The following OSBPL10 variants were observed in gnomAD, a reference collection of about 807,000 sequenced individuals.
OSBPL10 encodes the protein oxysterol binding protein like 10.
In OSBPL10, 49 loss-of-function variants were observed where a neutral mutation model predicts 81.7. The ratio of observed to expected loss-of-function variants is 0.60; its 90% confidence interval spans 0.48 to 0.76. The LOEUF is 0.76. Ranked by LOEUF, OSBPL10 falls within the 30% of genes least tolerant of loss-of-function variation. The pLI, the probability that OSBPL10 is intolerant of heterozygous loss-of-function variation, is 0.00. For synonymous variants in OSBPL10, 419 were observed against 383.6 expected (o/e 1.09, Z -1.08); for missense variants, 923 against 987.8 (o/e 0.93, Z 0.88).
chr3:31,745,527 T>C (rs1261721310), intron 5 of OSBPL10, among the ~76,000 whole-genome samples: 1 of 152,204 alleles, frequency 6.6e-6, no homozygotes, highest in Non-Finnish European at 1.5e-5. Flanking sequence ...GAGAGAATTA[T>C]AATGCTCGCA....
At chr3:32,074,430 C>T (rs1320651428) in intron 1 of OSBPL10, among the ~76,000 whole-genome samples, 1 of 152,146 alleles carries the variant, frequency 6.6e-6, no homozygotes, top group African/African-American at 2.4e-5. Context: ...TACTCTTTAT[C>T]TCCAGAACCC....
intron 1 of OSBPL10, among the ~76,000 whole-genome samples, chr3:32,076,491 G>A (rs374876343): frequency 9.9e-5 from 15 of 152,142 alleles, no homozygotes; most frequent in African/African-American, 2.9e-4. Context: ...CTCTTCACAC[G>A]GACACGCGTG....
At chr3:31,991,251 T>G (rs13094125) in intron 2 of OSBPL10, 98,982 of 370,706 alleles carry the variant, frequency 0.27, 19,016 homozygotes, top group African/African-American at 0.69. Flanking sequence ...TTTGAGACCA[T>G]CCTGGCCAAA....
chr3:31,796,461 G>T (rs1377602681), intron 4 of OSBPL10, among the ~76,000 whole-genome samples: 1 of 151,970 alleles, frequency 6.6e-6, no homozygotes, highest in Non-Finnish European at 1.5e-5. Context: ...TTTATGTAAG[G>T]GACTTGAGCA....
At chr3:32,013,229 A>G (rs542942625) in intron 2 of OSBPL10, among the ~76,000 whole-genome samples, 17 of 152,232 alleles carry the variant, frequency 1.1e-4, no homozygotes, top group Non-Finnish European at 2.1e-4. Context: ...AAGAACAGAA[A>G]TTATAACAAA....
At chr3:31,720,800 T>C (rs951201268) in intron 6 of OSBPL10, among the ~76,000 whole-genome samples, 1 of 143,450 alleles carries the variant, frequency 7.0e-6, no homozygotes, top group African/African-American at 2.7e-5. Flanking sequence ...TTGGGGAGGC[T>C]GAGGCATGAT....
rs142354653 is a variant in OSBPL10 at position 31,732,233 on chromosome 3, T to C, written c.1095+1024A>G. ...ACAGCCACTATTCACTTCACACCCTTCTAACACCCCTTAAAGATGCCGATG... is the reference window on the plus strand; with the variant it reads ...ACAGCCACTATTCACTTCACACCCTCCTAACACCCCTTAAAGATGCCGATG... On this transcript the variant is annotated intron_variant, in intron 6 of 11. Transcript: ENST00000396556. 4.6e-3 allele frequency among the ~76,000 whole-genome samples: 698 copies of C among 152,274 alleles called. 3 individuals are homozygous for C. The highest frequency in any genetic ancestry group is 6.3e-3 in the Non-Finnish European group (426 of 68,028).
Position 31,803,092 on chromosome 3 carries a change from T to G in OSBPL10, c.729+26948A>C, listed in dbSNP as rs542471780. The stretch of plus-strand genomic sequence containing the variant: ...CAGTGAGAATCCCCTGAATAATTTT[T>G]TGTGAATCAATGAGAACAGTGTGTA... On this transcript the variant is annotated intron_variant, in intron 4 of 11. Transcript: ENST00000396556. Among the ~76,000 whole-genome samples, 3 of 152,056 alleles carry G rather than the reference T, an allele frequency of 2.0e-5. No homozygotes were observed. In the South Asian group the frequency reaches 6.2e-4, roughly 32 times the overall value.
intron 7 of OSBPL10, among the ~76,000 whole-genome samples, chr3:31,697,261 G>T (rs1456085802): frequency 6.6e-6 from 1 of 152,124 alleles, no homozygotes; most frequent in Non-Finnish European, 1.5e-5. Context: ...AAGGTCCTAA[G>T]ACTTCATGAA....
intron 1 of OSBPL10, among the ~76,000 whole-genome samples, chr3:31,940,187 A>G (rs1426840886): frequency 6.6e-6 from 1 of 152,260 alleles, no homozygotes; most frequent in African/African-American, 2.4e-5. Flanking sequence ...ATGTCCATCA[A>G]CAGAATGTAT....
chr3:31,705,473 T>C (rs911594456), intron 6 of OSBPL10, among the ~76,000 whole-genome samples: 1 of 149,222 alleles, frequency 6.7e-6, no homozygotes, highest in Non-Finnish European at 1.5e-5. Context: ...TCCATGGCAA[T>C]GTAAATACCA....
chr3:31,861,710 A>G (rs1159825607), intron 3 of OSBPL10, among the ~76,000 whole-genome samples: 2 of 152,218 alleles, frequency 1.3e-5, no homozygotes, highest in Non-Finnish European at 2.9e-5. Context: ...ACAAGAGGTT[A>G]AAAGTGACTA....
At chr3:31,919,507 T>C (rs1696852863) in intron 1 of OSBPL10, 1 of 152,122 alleles carries the variant, frequency 6.6e-6, no homozygotes, top group South Asian at 2.1e-4. Flanking sequence ...CTGGTTCCAA[T>C]CTCTGTTTTT....
At chr3:31,813,330 G>T (rs2125486718) in intron 4 of OSBPL10, among the ~76,000 whole-genome samples, 1 of 152,326 alleles carries the variant, frequency 6.6e-6, no homozygotes, top group Admixed American at 6.5e-5. Context: ...GGGTCCCACA[G>T]GGAACAGCTC....
intron 3 of OSBPL10, among the ~76,000 whole-genome samples, chr3:31,857,802 G>GGA (rs1279605868): frequency 7.9e-6 from 1 of 125,840 alleles, no homozygotes; most frequent in Non-Finnish European, 1.6e-5. Flanking sequence ...GAGACAGAAA[G>GGA]GGAGAGAGAG....
chr3:31,757,417 T>C (rs1433150686), intron 4 of OSBPL10, among the ~76,000 whole-genome samples: 1 of 152,070 alleles, frequency 6.6e-6, no homozygotes, highest in African/African-American at 2.4e-5. Context: ...AGTGAAGACA[T>C]GGGGAGAAGA....
chr3:31,981,613 C>T (rs1187446603), upstream of OSBPL10, among the ~76,000 whole-genome samples: 2 of 152,168 alleles, frequency 1.3e-5, no homozygotes, highest in African/African-American at 4.8e-5. This position sits in a 1 kb window ranked among gnomAD's most constrained non-coding sequence, Gnocchi z 4.5. Context: ...GCCACCCTCT[C>T]TTGGATCCGA....
chr3:31,854,532 T>TG (rs1700857943), intron 3 of OSBPL10, among the ~76,000 whole-genome samples: 1 of 152,222 alleles, frequency 6.6e-6, no homozygotes, highest in Non-Finnish European at 1.5e-5. Context: ...TAAAAAAGAA[T>TG]GTTTTTAAAA....
rs1333749515 is a variant in OSBPL10, at chr3:31,660,997, C to A, written c.*1075G>T. The A allele has an allele frequency of 6.6e-6, 1 of 152,624 alleles. No homozygotes were observed. The highest frequency in any genetic ancestry group is 6.5e-5 in the Admixed American group (1 of 15,278). 9.5% of individuals were successfully genotyped at this position (152,624 alleles called of 1,614,324 possible). A position where few individuals can be genotyped will look rare whatever the true frequency, so the allele number is the denominator to read the frequency against. ...AAATAAATTAAGCATTCAGCAAAAA[C>A]CAGATATTTCATTTTTTCCTTGCTT... On this transcript the variant is annotated 3_prime_UTR_variant, in exon 12 of 12. Transcript: ENST00000396556.
Sources: allele counts gnomAD v4.1 joint callset (sites outside exome capture counted in the v4.1 genomes callset), GRCh38; gene constraint gnomAD v4.1.1; non-coding constraint Gnocchi (gnomAD v3.1); transcripts MANE v1.5; gene names NCBI Gene and HGNC (gene_info 2026-07-23, HGNC 2026-07-21).